Variants in CDKN2B-AS1 observed in about 807,000 individuals in gnomAD.
CDKN2B-AS1 encodes the protein CDKN2B antisense RNA 1 (non-protein coding).
At chr9:22,079,045 T>C (rs1824598388) in intron 4 of CDKN2B-AS1, among the ~76,000 whole-genome samples, 1 of 152,236 alleles carries the variant, frequency 6.6e-6, no homozygotes, top group African/African-American at 2.4e-5. Context: ...GTTGTCAATA[T>C]CTGGAAGATA....
chr9:22,123,066 C>T (rs1282942251), intron 4 of CDKN2B-AS1, among the ~76,000 whole-genome samples: 2 of 152,096 alleles, frequency 1.3e-5, no homozygotes, highest in Non-Finnish European at 2.9e-5. Context: ...AGAGGTCTTT[C>T]ACCTCCTTGG....
intron 4 of CDKN2B-AS1, chr9:22,117,907 G>C (rs1212922605): frequency 6.6e-6 from 1 of 152,244 alleles, no homozygotes; most frequent in Non-Finnish European, 1.5e-5. Flanking sequence ...GAATGTATCT[G>C]CCTGTGTGTG....
chr9:22,084,625 A>T (rs1824807010), intron 4 of CDKN2B-AS1, among the ~76,000 whole-genome samples: 1 of 152,140 alleles, frequency 6.6e-6, no homozygotes, highest in East Asian at 1.9e-4. Context: ...TTGACCTCCC[A>T]AATTGTTTTG....
chr9:22,085,751 T>G (rs1824850429), intron 4 of CDKN2B-AS1, among the ~76,000 whole-genome samples: 1 of 151,546 alleles, frequency 6.6e-6, no homozygotes, highest in South Asian at 2.1e-4. Context: ...GTCCCTCTCT[T>G]TATATCTCAG....
At chr9:22,051,924 T>G (rs1823363240) in intron 3 of CDKN2B-AS1, among the ~76,000 whole-genome samples, 1 of 152,178 alleles carries the variant, frequency 6.6e-6, no homozygotes, top group African/African-American at 2.4e-5. Context: ...TTTCTTGTGT[T>G]AGTTAAGATC....
intron 4 of CDKN2B-AS1, among the ~76,000 whole-genome samples, chr9:22,085,708 G>A (rs1229162799): frequency 1.5e-5 from 2 of 136,412 alleles, no homozygotes; most frequent in African/African-American, 2.9e-5. Context: ...GCAACAGAGC[G>A]AGACTCCGTC....
intron 4 of CDKN2B-AS1, among the ~76,000 whole-genome samples, chr9:22,079,954 C>A (rs72651089): frequency 6.6e-6 from 1 of 152,218 alleles, no homozygotes. Context: ...TCATACAGAG[C>A]AGCAATGCCT....
rs1259178700 is a variant in CDKN2B-AS1, at chr9:22,075,140, C to T, written n.438+18753C>T. Among the ~76,000 whole-genome samples, 3 of 152,278 alleles carry T rather than the reference C, an allele frequency of 2.0e-5. No individual in the cohort carries two copies. The East Asian group carries it at 5.8e-4, about 29-fold the overall frequency. On this transcript the variant is annotated intron_variant and non_coding_transcript_variant, in intron 4 of 4. Transcript: ENST00000650946. ...AATAAGACTTCTGGGGAAACTCAGG[C>T]ATGACAAAATACATGAAGGTGACAT...
At chr9:22,027,812 T>A (rs1822303459) in intron 1 of CDKN2B-AS1, among the ~76,000 whole-genome samples, 1 of 151,998 alleles carries the variant, frequency 6.6e-6, no homozygotes, top group African/African-American at 2.4e-5. Flanking sequence ...AAATGTGAAA[T>A]AATATTGATG....
At chr9:22,026,182 G>A (rs566376893) in intron 1 of CDKN2B-AS1, among the ~76,000 whole-genome samples, 1 of 152,016 alleles carries the variant, frequency 6.6e-6, no homozygotes, top group East Asian at 1.9e-4. Flanking sequence ...GCTCCCCAAA[G>A]CCTGAAGGCT....
chr9:22,021,826 T>C (rs1002605682), intron 1 of CDKN2B-AS1, among the ~76,000 whole-genome samples: 1 of 152,154 alleles, frequency 6.6e-6, no homozygotes, highest in Non-Finnish European at 1.5e-5. Flanking sequence ...TTCAATACTA[T>C]GTTGAATAGA....
chr9:22,118,239 A>G (rs1826005666), intron 4 of CDKN2B-AS1: 1 of 152,148 alleles, frequency 6.6e-6, no homozygotes. Flanking sequence ...TTATGCTAAC[A>G]TGTACTAAAA....
In CDKN2B-AS1 at chr9:21,996,860, C is replaced by A. The variant is rs1357895253; in HGVS notation, n.29+1699C>A. 6.6e-6 allele frequency among the ~76,000 whole-genome samples: 1 copy of A among 152,116 alleles called. No individual in the cohort carries two copies. Among genetic ancestry groups the A allele is most frequent in the Non-Finnish European group, 1.5e-5 (1 of 68,022 alleles). On this transcript the variant is annotated intron_variant and non_coding_transcript_variant, in intron 1 of 4. Coordinates refer to ENST00000650946, the Ensembl canonical transcript of CDKN2B-AS1. This position sits in a 1 kb window ranked among gnomAD's most constrained non-coding sequence, Gnocchi z 5.4. ...GCGGTGAGGGTTTCTTGGGCCTAGA[C>A]AATGTAACTAGTTGTTGCAATAAAG... is the stretch of plus-strand genomic sequence containing the variant.
intron 1 of CDKN2B-AS1, among the ~76,000 whole-genome samples, chr9:22,017,660 C>G (rs1340100605): frequency 6.6e-6 from 1 of 152,160 alleles, no homozygotes; most frequent in Non-Finnish European, 1.5e-5. Context: ...ATGTACAGTT[C>G]TCATTTACCA....
chr9:22,024,339 A>C (rs1416483640), intron 1 of CDKN2B-AS1, among the ~76,000 whole-genome samples: 2 of 152,210 alleles, frequency 1.3e-5, no homozygotes, highest in Admixed American at 1.3e-4. Context: ...TGGCAGCTCC[A>C]GCTGGGTGCT....
intron 4 of CDKN2B-AS1, among the ~76,000 whole-genome samples, chr9:22,081,985 C>T (rs994191798): frequency 6.6e-6 from 1 of 152,208 alleles, no homozygotes; most frequent in Admixed American, 6.5e-5. Context: ...CACCATGCAC[C>T]TTTCTGAAAC....
chr9:22,035,052 A>C (rs759642194), intron 1 of CDKN2B-AS1, among the ~76,000 whole-genome samples: 3 of 152,316 alleles, frequency 2.0e-5, no homozygotes, highest in Non-Finnish European at 4.4e-5. Context: ...GGAGTAAGCT[A>C]TGTAGCTAAA....
At chr9:22,042,373 A>G (rs1278648926) in intron 1 of CDKN2B-AS1, among the ~76,000 whole-genome samples, 1 of 152,132 alleles carries the variant, frequency 6.6e-6, no homozygotes, top group African/African-American at 2.4e-5. Context: ...TCTGAAAAAT[A>G]TTACAATTCA....
chr9:22,080,806 A>T (rs189827884), intron 4 of CDKN2B-AS1, among the ~76,000 whole-genome samples: 1 of 152,370 alleles, frequency 6.6e-6, no homozygotes, highest in Non-Finnish European at 1.5e-5. Context: ...GGGTCATGGA[A>T]TTATAGCTAC....
Sources: gnomAD v4.1 joint callset for allele counts (sites outside exome capture counted in the v4.1 genomes callset) on GRCh38, gnomAD v4.1.1 for gene constraint, Gnocchi (gnomAD v3.1) non-coding constraint, MANE v1.5 for transcripts, NCBI Gene and HGNC (gene_info 2026-07-23, HGNC 2026-07-21) for gene names.